The following CTNNA3 variants were observed in gnomAD, a reference collection of about 807,000 sequenced individuals.
CTNNA3 encodes the protein catenin alpha-3.
Under a neutral mutation model 95.7 loss-of-function variants are expected in CTNNA3, and 76 were observed. That is an observed-to-expected ratio of 0.79 (90% CI 0.66 to 0.96). CTNNA3 has a LOEUF of 0.96. CTNNA3 is among the 40% of genes least tolerant of loss of function. CTNNA3 has a pLI of 0.00. For synonymous variants in CTNNA3, 431 were observed against 374.4 expected (o/e 1.15, Z -1.74); for missense variants, 1,191 against 1,089.8 (o/e 1.09, Z -1.31).
chr10:66,211,998 T>A (rs1392968232), intron 13 of CTNNA3, among the ~76,000 whole-genome samples: 1 of 145,692 alleles, frequency 6.9e-6, no homozygotes, highest in African/African-American at 2.6e-5. Context: ...TTTTTTTTTT[T>A]TTTTTTTTTG....
chr10:66,721,233 T>G (rs746542035), intron 9 of CTNNA3, among the ~76,000 whole-genome samples: 9 of 152,076 alleles, frequency 5.9e-5, no homozygotes, highest in Non-Finnish European at 1.2e-4. Context: ...AGGTACTTGG[T>G]TATGGGCAAG....
Position 67,249,770 on chromosome 10 carries a change from T to C in CTNNA3, c.580-29900A>G, listed in dbSNP as rs144526382. On this transcript the variant is annotated intron_variant, in intron 5 of 17. Coordinates refer to ENST00000433211, the MANE Select transcript of CTNNA3 (RefSeq NM_013266.4). Reference sequence around the variant, plus strand: ...CAACCCTGGACAGGATACCATTCCATTGTACACAGGGCTCAGTCACACACA... The same window carrying C: ...CAACCCTGGACAGGATACCATTCCACTGTACACAGGGCTCAGTCACACACA... Among the ~76,000 whole-genome samples, 920 of 152,288 alleles carry C rather than the reference T, an allele frequency of 6.0e-3. 26 individuals carry two copies. The highest frequency in any genetic ancestry group is 0.05 in the Admixed American group (772 of 15,298).
rs75556661 is a variant in CTNNA3, at chr10:67,202,981, G to A, written c.843+16626C>T. On this transcript the variant is annotated intron_variant, in intron 6 of 17. Transcript: ENST00000433211. ...TTGCTTATTTTAGTTTACATACCAT[G>A]TATACTTGTGTTAAAATGATTTACC... Among the ~76,000 whole-genome samples the A allele has an allele frequency of 5.4e-3, 824 of 152,174 alleles. 5 individuals carry two copies. Among genetic ancestry groups the A allele is most frequent in the African/African-American group, 0.019 (782 of 41,514 alleles).
At chr10:66,226,368 G>A (rs555191963) in intron 13 of CTNNA3, among the ~76,000 whole-genome samples, 59 of 152,134 alleles carry the variant, frequency 3.9e-4, no homozygotes, top group African/African-American at 1.0e-3. Flanking sequence ...CTATACATAC[G>A]TGGATTTATT....
chr10:66,645,454 T>C (rs1421757149), intron 9 of CTNNA3, among the ~76,000 whole-genome samples: 1 of 152,154 alleles, frequency 6.6e-6, no homozygotes, highest in Non-Finnish European at 1.5e-5. Context: ...CAACACCATT[T>C]GTGGAAAATG....
At chr10:66,000,344 G>A (rs1281248659) in intron 15 of CTNNA3, among the ~76,000 whole-genome samples, 1 of 152,124 alleles carries the variant, frequency 6.6e-6, no homozygotes, top group African/African-American at 2.4e-5. Flanking sequence ...CGAGAAAGAA[G>A]AAGATGGTAC....
intron 13 of CTNNA3, among the ~76,000 whole-genome samples, chr10:66,152,190 G>A (rs1283692116): frequency 6.6e-6 from 1 of 151,890 alleles, no homozygotes; most frequent in Non-Finnish European, 1.5e-5. Context: ...TAAGACAGCA[G>A]AAGATGTTTT....
chr10:67,042,548 G>A (rs1854465332), intron 7 of CTNNA3, among the ~76,000 whole-genome samples: 1 of 151,794 alleles, frequency 6.6e-6, no homozygotes, highest in Non-Finnish European at 1.5e-5. Flanking sequence ...AAATAGTGTG[G>A]GCAAGAACAT....
chr10:67,475,511 G>A (rs1452951376), intron 5 of CTNNA3, among the ~76,000 whole-genome samples: 1 of 152,082 alleles, frequency 6.6e-6, no homozygotes, highest in African/African-American at 2.4e-5. Flanking sequence ...GGAAGATGAT[G>A]GGTTTAAAAT....
intron 9 of CTNNA3, among the ~76,000 whole-genome samples, chr10:66,732,037 T>G (rs1848979267): frequency 6.6e-6 from 1 of 152,222 alleles, no homozygotes; most frequent in Non-Finnish European, 1.5e-5. Context: ...CAGATTAAAT[T>G]TAAATAAAGT....
At chr10:66,370,547 A>G (rs867679401) in intron 12 of CTNNA3, among the ~76,000 whole-genome samples, 47 of 152,218 alleles carry the variant, frequency 3.1e-4, no homozygotes, top group Middle Eastern at 3.4e-3. Context: ...CTGGTGAGGC[A>G]TATTGGTGTG....
intron 7 of CTNNA3, among the ~76,000 whole-genome samples, chr10:67,131,658 G>T (rs1202088767): frequency 1.3e-5 from 2 of 152,058 alleles, no homozygotes; most frequent in African/African-American, 4.8e-5. Flanking sequence ...TCAGCACCTA[G>T]AAGAGGATTT....
At chr10:65,933,556 G>A (rs1448461537) in intron 17 of CTNNA3, among the ~76,000 whole-genome samples, 1 of 152,064 alleles carries the variant, frequency 6.6e-6, no homozygotes, top group African/African-American at 2.4e-5. Context: ...AAAACGAAAA[G>A]TAAACATTTG....
intron 14 of CTNNA3, among the ~76,000 whole-genome samples, chr10:66,087,373 C>A (rs190910830): frequency 1.1e-4 from 16 of 152,058 alleles, no homozygotes; most frequent in Non-Finnish European, 1.5e-4. Flanking sequence ...CCTCTTATCG[C>A]GAGACAACAA....
At chr10:66,989,723 G>T (rs1850936841) in intron 7 of CTNNA3, among the ~76,000 whole-genome samples, 2 of 152,020 alleles carry the variant, frequency 1.3e-5, no homozygotes, top group South Asian at 4.2e-4. Context: ...CCTCTAGATG[G>T]GTTTTTGAGT....
chr10:66,933,645 T>C (rs542927669), intron 7 of CTNNA3, among the ~76,000 whole-genome samples: 1 of 152,332 alleles, frequency 6.6e-6, no homozygotes, highest in South Asian at 2.1e-4. Flanking sequence ...AGTGGAAGAC[T>C]GTGCCCAAGA....
At chr10:66,572,816 G>A (rs1842908689) in intron 10 of CTNNA3, among the ~76,000 whole-genome samples, 1 of 152,160 alleles carries the variant, frequency 6.6e-6, no homozygotes, top group Non-Finnish European at 1.5e-5. Context: ...GTGTGACTCA[G>A]GACACATGCT....
At chr10:67,619,764 G>A (rs1006338073) in intron 2 of CTNNA3, among the ~76,000 whole-genome samples, 1 of 152,122 alleles carries the variant, frequency 6.6e-6, no homozygotes, top group African/African-American at 2.4e-5. Flanking sequence ...GGGAAACACA[G>A]AAAGCCGAGG....
chr10:66,651,730 G>T (rs988110938), intron 9 of CTNNA3, among the ~76,000 whole-genome samples: 1 of 151,862 alleles, frequency 6.6e-6, no homozygotes, highest in Non-Finnish European at 1.5e-5. Context: ...CACTGCTCGG[G>T]GCCTGCTGTG....
Sources: gnomAD v4.1 joint callset for allele counts (sites outside exome capture counted in the v4.1 genomes callset) on GRCh38, gnomAD v4.1.1 for gene constraint, MANE v1.5 for transcripts, NCBI Gene and HGNC (gene_info 2026-07-23, HGNC 2026-07-21) for gene names.